CSTF3: variants seen among roughly 807,000 people sequenced by gnomAD.
CSTF3 encodes cleavage stimulation factor subunit 3.
Under a neutral mutation model 105.8 loss-of-function variants are expected in CSTF3, and 29 were observed. That is an observed-to-expected ratio of 0.27 (90% CI 0.20 to 0.37). The LOEUF is 0.37. CSTF3 is among the 10% of genes least tolerant of loss of function. The pLI, the probability that CSTF3 is intolerant of heterozygous loss-of-function variation, is 1.00. For missense variants in CSTF3, 357 were observed against 879.3 expected (o/e 0.41, Z 7.51); for synonymous variants, 252 against 281.9 (o/e 0.89, Z 1.06).
intron 3 of CSTF3, among the ~76,000 whole-genome samples, chr11:33,137,154 G>A (rs530362842): frequency 2.0e-5 from 3 of 151,930 alleles, no homozygotes; most frequent in East Asian, 1.9e-4. Flanking sequence ...TATTTTCAAT[G>A]TGTTTACTAA....
At chr11:33,136,014 C>T (rs896599102) in intron 3 of CSTF3, 2 of 152,580 alleles carry the variant, frequency 1.3e-5, no homozygotes, top group Middle Eastern at 6.8e-3. Flanking sequence ...TGAATCCTAT[C>T]GCTGATGTCA....
chr11:33,150,219 T>TAAAAAAAA (rs10714096), intron 1 of CSTF3, among the ~76,000 whole-genome samples: 36 of 104,334 alleles, frequency 3.5e-4, no homozygotes, highest in East Asian at 5.6e-4. Context: ...TGTCTCAAAC[T>TAAAAAAAA]AAAAAAAAAA....
intron 3 of CSTF3, among the ~76,000 whole-genome samples, chr11:33,133,767 G>A (rs1010599638): frequency 3.9e-5 from 6 of 152,096 alleles, no homozygotes; most frequent in East Asian, 1.9e-4. Flanking sequence ...CCGAGATCAC[G>A]CCACTGCACT....
chr11:33,091,064 AC>A (rs1855164366), intron 16 of CSTF3, among the ~76,000 whole-genome samples: 2 of 152,158 alleles, frequency 1.3e-5, no homozygotes, highest in South Asian at 4.1e-4. Context: ...CATGAGACTT[AC>A]CTTAGAGAGG....
chr11:33,129,187 G>A (rs2133791510), intron 3 of CSTF3, among the ~76,000 whole-genome samples: 1 of 152,256 alleles, frequency 6.6e-6, no homozygotes, highest in South Asian at 2.1e-4. Flanking sequence ...CGCCTCCAGG[G>A]CTCAAGTAAT....
At chr11:33,157,651 TA>T (rs1334753558) in intron 1 of CSTF3, among the ~76,000 whole-genome samples, 4 of 152,120 alleles carry the variant, frequency 2.6e-5, no homozygotes, top group African/African-American at 9.7e-5. Context: ...TTCCCTCTGT[TA>T]GGGGGCACAA....
intron 3 of CSTF3, among the ~76,000 whole-genome samples, chr11:33,125,387 ACTCT>A (rs144798247): frequency 6.6e-6 from 1 of 151,914 alleles, no homozygotes; most frequent in Non-Finnish European, 1.5e-5. Flanking sequence ...TATTGTGGAA[ACTCT>A]CTGAGGCGTA....
In CSTF3 at chr11:33,107,888, C is replaced by G; in HGVS notation, c.356+15G>C. The stretch of plus-strand genomic sequence containing the variant: ...TGGAGATGACTTGCATTCTTAAGAT[C>G]CTGGTTTCACTTACTTGTAACTTGG... On this transcript the variant is annotated intron_variant, in intron 5 of 20. Transcript: ENST00000323959. The G allele has an allele frequency of 6.7e-7, 1 of 1,502,880 alleles. No individual in the cohort carries two copies. The highest frequency in any genetic ancestry group is 9.2e-7 in the Non-Finnish European group (1 of 1,084,290). The allele number at this position is 1,502,880 out of a possible 1,614,324, so 93.1% of individuals were successfully genotyped here. A position where few individuals can be genotyped will look rare whatever the true frequency, so the allele number is the denominator to read the frequency against.
intron 13 of CSTF3, 84 bp from the exon 14 acceptor site, chr11:33,097,062 T>A: frequency 1.1e-6 from 1 of 942,282 alleles, no homozygotes; most frequent in Non-Finnish European, 1.5e-6. Flanking sequence ...CCCAATAAAT[T>A]AGAAAGTAGG....
chr11:33,100,305 A>G (rs1855268742), intron 10 of CSTF3, among the ~76,000 whole-genome samples: 1 of 150,828 alleles, frequency 6.6e-6, no homozygotes, highest in Admixed American at 6.6e-5. Context: ...CAGTGAGTGG[A>G]GATCACGCCA....
At chr11:33,108,450 AC>A (rs1304914183) in intron 3 of CSTF3, 32 bp from the exon 4 acceptor site, 2 of 1,427,742 alleles carry the variant, frequency 1.4e-6, no homozygotes, top group African/African-American at 1.5e-5. Flanking sequence ...TAGAATTAAT[AC>A]TATTTTTTTA....
chr11:33,122,914 CAAAAAAAA>C (rs10600978), intron 3 of CSTF3, among the ~76,000 whole-genome samples: 1 of 83,838 alleles, frequency 1.2e-5, no homozygotes, highest in Admixed American at 1.4e-4. Context: ...TATCCTGTCT[CAAAAAAAA>C]AAAAAAAAAA....
At chr11:33,156,868 C>T (rs1445820497) in intron 1 of CSTF3, 3 of 318,180 alleles carry the variant, frequency 9.4e-6, no homozygotes, top group Non-Finnish European at 1.9e-5. Context: ...TACTGAATAC[C>T]TTTAAGCATC....
At chr11:33,112,393 TAAC>T (rs111345967) in intron 3 of CSTF3, among the ~76,000 whole-genome samples, 42 of 152,260 alleles carry the variant, frequency 2.8e-4, no homozygotes, top group African/African-American at 6.0e-4. Flanking sequence ...GGAATGATAA[TAAC>T]ATCCATTTCA....
intron 1 of CSTF3, among the ~76,000 whole-genome samples, chr11:33,158,482 C>T (rs1172448432): frequency 1.3e-5 from 2 of 152,100 alleles, no homozygotes; most frequent in African/African-American, 2.4e-5. Flanking sequence ...AACAAAACCA[C>T]CATTTGCTAC....
intron 3 of CSTF3, among the ~76,000 whole-genome samples, chr11:33,121,212 A>G (rs1479357217): frequency 6.6e-6 from 1 of 152,096 alleles, no homozygotes; most frequent in Non-Finnish European, 1.5e-5. Context: ...GAAAAAATTC[A>G]GGTAAATATT....
intron 15 of CSTF3, among the ~76,000 whole-genome samples, chr11:33,095,093 T>A (rs1030112859): frequency 1.3e-5 from 2 of 152,038 alleles, no homozygotes; most frequent in Non-Finnish European, 2.9e-5. Flanking sequence ...AGAGACAGGG[T>A]TTCGCCGTGT....
chr11:33,111,702 G>A (rs893119056), intron 3 of CSTF3, among the ~76,000 whole-genome samples: 2 of 152,130 alleles, frequency 1.3e-5, no homozygotes, highest in African/African-American at 2.4e-5. Flanking sequence ...CCCCAACAAA[G>A]TGGTCCCATA....
intron 1 of CSTF3, among the ~76,000 whole-genome samples, chr11:33,146,491 TGCGGTGAGCTATAATCACA>T (rs1855784361): frequency 1.3e-5 from 2 of 152,056 alleles, no homozygotes; most frequent in South Asian, 4.2e-4. Flanking sequence ...AGTTCAAGGA[TGCGGTGAGCTATAATCACA>T]CCACTGCACT....
Sources: gnomAD v4.1 joint callset for allele counts (sites outside exome capture counted in the v4.1 genomes callset) on GRCh38, gnomAD v4.1.1 for gene constraint, MANE v1.5 for transcripts, NCBI Gene and HGNC (gene_info 2026-07-23, HGNC 2026-07-21) for gene names.